The following EXOC6B variants were observed in gnomAD, a reference collection of about 807,000 sequenced individuals.
The protein encoded by EXOC6B is SEC15 homolog B.
A neutral mutation model predicts 113.5 loss-of-function variants in EXOC6B; 54 were observed. The observed-to-expected ratio is 0.48, with a 90% CI of 0.38 to 0.60. EXOC6B has a LOEUF of 0.60. Among genes scored for constraint, EXOC6B ranks in the 20% least tolerant of loss-of-function variants. The pLI is 0.00. For synonymous variants in EXOC6B, 357 were observed against 339.0 expected (o/e 1.05, Z -0.58); for missense variants, 797 against 977.5 (o/e 0.82, Z 2.46).
At chr2:72,289,931 C>T (rs1187786134) in intron 20 of EXOC6B, among the ~76,000 whole-genome samples, 5 of 152,130 alleles carry the variant, frequency 3.3e-5, no homozygotes, top group Non-Finnish European at 5.9e-5. Flanking sequence ...TGGGCCTCAC[C>T]TAATCAGTTG....
chr2:72,355,563 C>G (rs577001822), intron 19 of EXOC6B, among the ~76,000 whole-genome samples: 12 of 152,340 alleles, frequency 7.9e-5, no homozygotes, highest in African/African-American at 2.6e-4. Context: ...GCAATAACAA[C>G]TATCCTTAGA....
At chr2:72,375,892 C>T (rs1000007664) in intron 19 of EXOC6B, among the ~76,000 whole-genome samples, 4 of 152,146 alleles carry the variant, frequency 2.6e-5, no homozygotes, top group Admixed American at 2.6e-4. Context: ...CATGAGCTTG[C>T]TTAAGTTTCT....
At chr2:72,277,739 C>T (rs1684886095) in intron 20 of EXOC6B, among the ~76,000 whole-genome samples, 1 of 152,146 alleles carries the variant, frequency 6.6e-6, no homozygotes, top group Non-Finnish European at 1.5e-5. Context: ...AGTGATCCTA[C>T]TGCCTCAGCC....
At chr2:72,182,778 C>G in intron 21 of EXOC6B, 1 of 699,806 alleles carries the variant, frequency 1.4e-6, no homozygotes, top group Non-Finnish European at 2.0e-6. Flanking sequence ...ATTAGTATGT[C>G]AGGGCGGGGA....
chr2:72,626,119 T>C (rs1011348448), intron 6 of EXOC6B, among the ~76,000 whole-genome samples: 5 of 151,972 alleles, frequency 3.3e-5, no homozygotes, highest in African/African-American at 1.2e-4. Flanking sequence ...AGAAAAATAA[T>C]AAAAAATTTT....
At chr2:72,819,491 T>C (rs1476806737) in intron 1 of EXOC6B, among the ~76,000 whole-genome samples, 3 of 152,100 alleles carry the variant, frequency 2.0e-5, no homozygotes, top group Admixed American at 1.3e-4. Flanking sequence ...ATTTATTTCC[T>C]ATCTCCTCCT....
intron 20 of EXOC6B, among the ~76,000 whole-genome samples, chr2:72,189,792 C>G (rs1056626093): frequency 7.1e-6 from 1 of 139,912 alleles, no homozygotes; most frequent in Middle Eastern, 3.3e-3. Context: ...CCTTTCCTTT[C>G]CTTCCTTCTT....
intron 18 of EXOC6B, among the ~76,000 whole-genome samples, chr2:72,410,602 C>A (rs941614516): frequency 5.9e-5 from 9 of 152,126 alleles, no homozygotes; most frequent in Admixed American, 3.3e-4. Context: ...GGTAGAAATA[C>A]TGAAAAATCA....
intron 6 of EXOC6B, among the ~76,000 whole-genome samples, chr2:72,622,753 A>G (rs1371912672): frequency 6.6e-6 from 1 of 152,164 alleles, no homozygotes. Flanking sequence ...TGGCCAATAA[A>G]TATATGAAAA....
intron 18 of EXOC6B, among the ~76,000 whole-genome samples, chr2:72,454,280 G>A (rs1367091935): frequency 1.3e-5 from 2 of 152,060 alleles, no homozygotes; most frequent in Non-Finnish European, 2.9e-5. Context: ...AAGGCAGGAG[G>A]ATCACTTGAG....
intron 1 of EXOC6B, among the ~76,000 whole-genome samples, chr2:72,813,802 CAGGA>C (rs571986528): frequency 2.6e-5 from 4 of 152,220 alleles, no homozygotes; most frequent in Admixed American, 2.6e-4. Context: ...AGAGCTTCCC[CAGGA>C]AGTAGAAATT....
chr2:72,789,808 C>T (rs561718506), intron 1 of EXOC6B, among the ~76,000 whole-genome samples: 38 of 152,070 alleles, frequency 2.5e-4, no homozygotes, highest in African/African-American at 8.4e-4. Flanking sequence ...ATTGTTCTTT[C>T]GATTTTTTTG....
rs531474648 is a variant in EXOC6B at position 72,713,680 on chromosome 2, TA to T, written c.669+4422del. On this transcript the variant is annotated intron_variant, in intron 6 of 21. Coordinates refer to ENST00000272427, the MANE Select transcript of EXOC6B (RefSeq NM_015189.3). ...AAAGCCAATACTGTGATTGTCAGAC[TA>T]AAAATAATAACAAAGTTCTAAATAG... 1.1e-3 allele frequency among the ~76,000 whole-genome samples: 163 copies of T among 150,970 alleles called. 1 individual carries two copies. Among genetic ancestry groups the T allele is most frequent in the Non-Finnish European group, 1.9e-3 (129 of 67,836 alleles).
intron 19 of EXOC6B, among the ~76,000 whole-genome samples, chr2:72,351,035 GT>G (rs1449245483): frequency 2.0e-5 from 3 of 152,118 alleles, no homozygotes; most frequent in Non-Finnish European, 4.4e-5. Context: ...GCTACACCTT[GT>G]TTCCATCCAT....
At chr2:72,793,415 C>T (rs1250770746) in intron 1 of EXOC6B, among the ~76,000 whole-genome samples, 4 of 152,182 alleles carry the variant, frequency 2.6e-5, no homozygotes, top group African/African-American at 7.2e-5. Context: ...AATCCCAAAT[C>T]GTACTATCAT....
At chr2:72,275,857 T>A (rs1458825737) in intron 20 of EXOC6B, among the ~76,000 whole-genome samples, 2 of 152,112 alleles carry the variant, frequency 1.3e-5, no homozygotes, top group Non-Finnish European at 2.9e-5. Context: ...ACCTGCTTAA[T>A]TTTTTTTGGG....
intron 16 of EXOC6B, 97 bp from the exon 17 acceptor site, chr2:72,480,847 T>C: frequency 7.9e-7 from 1 of 1,264,810 alleles, no homozygotes; most frequent in Non-Finnish European, 1.1e-6. Context: ...ATGTAAGGCA[T>C]AATGGAAAAG....
chr2:72,238,135 T>G (rs1225432565), intron 20 of EXOC6B, among the ~76,000 whole-genome samples: 1 of 152,228 alleles, frequency 6.6e-6, no homozygotes, highest in Non-Finnish European at 1.5e-5. Context: ...TTGCCTATTC[T>G]GAACATTCAT....
chr2:72,435,231 A>G (rs1395278964), intron 18 of EXOC6B, among the ~76,000 whole-genome samples: 1 of 152,178 alleles, frequency 6.6e-6, no homozygotes, highest in African/African-American at 2.4e-5. Flanking sequence ...TGAGTTTCTT[A>G]ATCCTGAGTT....
Sources: gnomAD v4.1 joint callset for allele counts (sites outside exome capture counted in the v4.1 genomes callset) on GRCh38, gnomAD v4.1.1 for gene constraint, MANE v1.5 for transcripts, NCBI Gene and HGNC (gene_info 2026-07-23, HGNC 2026-07-21) for gene names.